The following CNTNAP5 variants were observed in gnomAD, a reference collection of about 807,000 sequenced individuals.
CNTNAP5 encodes contactin associated protein family member 5.
In CNTNAP5, 72 loss-of-function variants were observed where a neutral mutation model predicts 150.2. The ratio of observed to expected loss-of-function variants is 0.48; its 90% CI spans 0.40 to 0.58. The LOEUF is 0.58. CNTNAP5 is among the 20% of genes least tolerant of loss of function. The probability of loss-of-function intolerance (pLI) is 0.00; values close to 1 mark genes in which losing one functional copy is unlikely to be tolerated. For synonymous variants in CNTNAP5, 672 were observed against 619.8 expected (o/e 1.08, Z -1.25); for missense variants, 1,636 against 1,626.2 (o/e 1.01, Z -0.10).
intron 12 of CNTNAP5, among the ~76,000 whole-genome samples, chr2:124,624,795 T>A (rs571732146): frequency 6.6e-6 from 1 of 152,294 alleles, no homozygotes; most frequent in East Asian, 1.9e-4. Context: ...CTGGGGGTGG[T>A]GGGCAGAGAA....
chr2:124,278,348 G>A (rs1259921909), intron 3 of CNTNAP5, among the ~76,000 whole-genome samples: 1 of 152,018 alleles, frequency 6.6e-6, no homozygotes, highest in Non-Finnish European at 1.5e-5. Context: ...TAAAAAGTAA[G>A]GCATTTGCTC....
At chr2:124,895,555 G>A (rs914269225) in intron 21 of CNTNAP5, among the ~76,000 whole-genome samples, 5 of 151,518 alleles carry the variant, frequency 3.3e-5, no homozygotes, top group African/African-American at 1.2e-4. Context: ...AACCTGGGAG[G>A]ATGAGGCTGC....
rs1553474656 is a variant in CNTNAP5, at chr2:124,510,301, C to CTATATCTATATCTATATATCTA, written c.1327+5750_1327+5751insCTATATCTATATATCTATATAT. Reference sequence around the variant, plus strand: ...TATCTATATCTATATATCTATATATCTATATATATATCTATATATCTATCT... The same window carrying CTATATCTATATCTATATATCTA: ...TATCTATATCTATATATCTATATATCTATATCTATATCTATATATCTATATATATATATCTATATATCTATCT... On this transcript the variant is annotated intron_variant, in intron 8 of 23. Coordinates refer to ENST00000682447, the MANE Select transcript of CNTNAP5 (RefSeq NM_001367498.1). Among the ~76,000 whole-genome samples the CTATATCTATATCTATATATCTA allele has an allele frequency of 5.7e-5, 6 of 106,040 alleles. 1 individual carries two copies. Among genetic ancestry groups the CTATATCTATATCTATATATCTA allele is most frequent in the Non-Finnish European group, 1.1e-4 (6 of 56,140 alleles). The allele number at this position is 106,040 out of a possible 152,430, so 69.6% of individuals were successfully genotyped here. A position where few individuals can be genotyped will look rare whatever the true frequency, so the allele number is the denominator to read the frequency against.
At chr2:124,793,533 T>C (rs1329209740) in intron 18 of CNTNAP5, among the ~76,000 whole-genome samples, 2 of 152,198 alleles carry the variant, frequency 1.3e-5, no homozygotes, top group African/African-American at 2.4e-5. Context: ...TAAATTCTGA[T>C]CAAGTTCATT....
At chr2:124,566,114 A>G (rs1696018782) in intron 11 of CNTNAP5, among the ~76,000 whole-genome samples, 1 of 150,906 alleles carries the variant, frequency 6.6e-6, no homozygotes, top group Admixed American at 6.6e-5. Flanking sequence ...CAAGAACACC[A>G]TATACCTATA....
intron 1 of CNTNAP5, among the ~76,000 whole-genome samples, chr2:124,152,842 A>G (rs1406561280): frequency 1.3e-5 from 2 of 152,184 alleles, no homozygotes; most frequent in Non-Finnish European, 2.9e-5. Flanking sequence ...GGCAATCATA[A>G]TTCTCCTCTA....
At chr2:124,563,024 G>T (rs550205990) in intron 10 of CNTNAP5, among the ~76,000 whole-genome samples, 193 bp from the exon 11 acceptor site, 1 of 152,280 alleles carries the variant, frequency 6.6e-6, no homozygotes, top group African/African-American at 2.4e-5. Context: ...GTAATGCAAG[G>T]TGATTCTACC....
chr2:124,055,662 A>T (rs1275055894), intron 1 of CNTNAP5, among the ~76,000 whole-genome samples: 1 of 152,064 alleles, frequency 6.6e-6, no homozygotes, highest in Non-Finnish European at 1.5e-5. Flanking sequence ...CCTGACCTGG[A>T]CCTCATAAGT....
intron 17 of CNTNAP5, among the ~76,000 whole-genome samples, chr2:124,777,008 GA>G (rs1681338792): frequency 6.6e-6 from 1 of 151,986 alleles, no homozygotes; most frequent in Non-Finnish European, 1.5e-5. Flanking sequence ...TTACATAAGG[GA>G]AATTGTTTTG....
intron 4 of CNTNAP5, among the ~76,000 whole-genome samples, chr2:124,425,103 A>G (rs1467932404): frequency 6.6e-6 from 1 of 152,132 alleles, no homozygotes; most frequent in Non-Finnish European, 1.5e-5. Context: ...GCCTCCTACA[A>G]TTTGTTTTGC....
intron 13 of CNTNAP5, among the ~76,000 whole-genome samples, chr2:124,710,713 C>T (rs1679789105): frequency 6.6e-6 from 1 of 152,168 alleles, no homozygotes; most frequent in Admixed American, 6.5e-5. Context: ...TGACTCCTCC[C>T]TTCAAAACTT....
At chr2:124,674,033 A>G (rs537550351) in intron 13 of CNTNAP5, among the ~76,000 whole-genome samples, 161 of 152,168 alleles carry the variant, frequency 1.1e-3, no homozygotes, top group African/African-American at 3.6e-3. Flanking sequence ...ACCTTGCCGC[A>G]TTCACCACAA....
At chr2:124,674,202 A>T (rs1470928997) in intron 13 of CNTNAP5, among the ~76,000 whole-genome samples, 1 of 151,918 alleles carries the variant, frequency 6.6e-6, no homozygotes, top group Non-Finnish European at 1.5e-5. Context: ...CTATAGTTTT[A>T]CTATTATCTG....
chr2:124,207,528 A>G (rs1338006000), intron 1 of CNTNAP5, among the ~76,000 whole-genome samples: 1 of 152,208 alleles, frequency 6.6e-6, no homozygotes, highest in Non-Finnish European at 1.5e-5. Flanking sequence ...ATGACTACTC[A>G]TGTTTTGCAA....
chr2:124,745,645 C>A (rs1248973837), intron 13 of CNTNAP5, among the ~76,000 whole-genome samples: 1 of 152,180 alleles, frequency 6.6e-6, no homozygotes, highest in Non-Finnish European at 1.5e-5. Flanking sequence ...TTGTTTATAA[C>A]TATTCTTTAA....
chr2:124,716,988 C>T (rs1049660243), intron 13 of CNTNAP5, among the ~76,000 whole-genome samples: 1 of 152,116 alleles, frequency 6.6e-6, no homozygotes, highest in African/African-American at 2.4e-5. Context: ...GCCTAAATAT[C>T]CCGGGTGCTT....
chr2:124,235,027 G>A (rs986473620), intron 2 of CNTNAP5, among the ~76,000 whole-genome samples: 1 of 152,064 alleles, frequency 6.6e-6, no homozygotes, highest in African/African-American at 2.4e-5. Flanking sequence ...GTGGTCTCTG[G>A]AGATAGGGCC....
At chr2:124,588,177 C>CTTCCTTCTTTCTTTCT (rs1558966029) in intron 11 of CNTNAP5, among the ~76,000 whole-genome samples, 24 of 110,920 alleles carry the variant, frequency 2.2e-4, no homozygotes, top group Middle Eastern at 5.0e-3. Context: ...TCCTTCCTTC[C>CTTCCTTCTTTCTTTCT]TTCTTTCTTT....
intron 1 of CNTNAP5, among the ~76,000 whole-genome samples, chr2:124,065,874 G>C (rs994140627): frequency 1.3e-5 from 2 of 152,152 alleles, no homozygotes; most frequent in Non-Finnish European, 2.9e-5. Context: ...GTTAGTCTCC[G>C]TCTGGAGGTT....
Sources: gnomAD v4.1 joint callset for allele counts (sites outside exome capture counted in the v4.1 genomes callset) on GRCh38, gnomAD v4.1.1 for gene constraint, MANE v1.5 for transcripts, NCBI Gene and HGNC (gene_info 2026-07-23, HGNC 2026-07-21) for gene names.